The following BMAL1 variants were observed in gnomAD, a reference collection of about 807,000 sequenced individuals.
BMAL1 encodes basic helix-loop-helix ARNT like 1, also known as basic helix-loop-helix ARNT-like protein 1.
the BMAL1 span, among the ~76,000 whole-genome samples, chr11:13,373,805 G>T: frequency 1.3e-5 from 2 of 152,134 alleles, no homozygotes; most frequent in Non-Finnish European, 2.9e-5. Context: ...CACCATGCCC[G>T]ACTGGTTGCA....
the BMAL1 span, among the ~76,000 whole-genome samples, chr11:13,312,790 T>C: frequency 6.6e-6 from 1 of 152,220 alleles, no homozygotes; most frequent in Non-Finnish European, 1.5e-5. Context: ...AATTATTTAT[T>C]GCTTCGAATG....
At chr11:13,372,268 G>A in the BMAL1 span, 2 of 1,614,188 alleles carry the variant, frequency 1.2e-6, no homozygotes, top group South Asian at 1.1e-5. Context: ...AATGAGGGGT[G>A]TAACCTCAGC....
At chr11:13,385,167 G>A in the BMAL1 span, among the ~76,000 whole-genome samples, 1 of 152,184 alleles carries the variant, frequency 6.6e-6, no homozygotes, top group Non-Finnish European at 1.5e-5. Flanking sequence ...CTGAGTAGTA[G>A]TAATAATCCT....
At chr11:13,312,554 A>G in the BMAL1 span, among the ~76,000 whole-genome samples, 1 of 152,240 alleles carries the variant, frequency 6.6e-6, no homozygotes, top group African/African-American at 2.4e-5. Context: ...AGTTGAAGGC[A>G]GCAGCCTTGG....
the BMAL1 span, among the ~76,000 whole-genome samples, chr11:13,299,087 G>A: frequency 6.6e-6 from 1 of 152,184 alleles, no homozygotes; most frequent in African/African-American, 2.4e-5. Context: ...TTACAAGGGG[G>A]ACTGGCTCCA....
the BMAL1 span, among the ~76,000 whole-genome samples, chr11:13,370,204 G>A: frequency 2.0e-5 from 3 of 151,654 alleles, no homozygotes; most frequent in Non-Finnish European, 4.4e-5. Context: ...CCTCCTCCCC[G>A]ACCCCCTGCT....
chr11:13,353,052 T>C, the BMAL1 span, among the ~76,000 whole-genome samples: 2 of 152,244 alleles, frequency 1.3e-5, no homozygotes, highest in Admixed American at 6.5e-5. Context: ...TTTCATCTCA[T>C]GGCTTTCCTT....
chr11:13,323,658 C>G, the BMAL1 span, among the ~76,000 whole-genome samples: 4 of 152,192 alleles, frequency 2.6e-5, no homozygotes, highest in Admixed American at 2.6e-4. Context: ...GCTTTGTCAT[C>G]CAGGCTGGAG....
At chr11:13,328,350 T>A in the BMAL1 span, among the ~76,000 whole-genome samples, 1,964 of 152,322 alleles carry the variant, frequency 0.013, 14 homozygotes, top group African/African-American at 0.027. Flanking sequence ...TGCTTGTTTT[T>A]TTTCCTTCCA....
chr11:13,288,670 G>C, the BMAL1 span, among the ~76,000 whole-genome samples: 3 of 152,174 alleles, frequency 2.0e-5, no homozygotes, highest in South Asian at 6.2e-4. Context: ...TCAGTCCAGT[G>C]TTAGTGTTCC....
At chr11:13,325,542 C>G in the BMAL1 span, among the ~76,000 whole-genome samples, 1 of 151,872 alleles carries the variant, frequency 6.6e-6, no homozygotes, top group Non-Finnish European at 1.5e-5. Flanking sequence ...TCCCTTCTTA[C>G]AAACACGAAC....
the BMAL1 span, among the ~76,000 whole-genome samples, chr11:13,286,174 C>T: frequency 6.6e-6 from 1 of 152,210 alleles, no homozygotes; most frequent in Non-Finnish European, 1.5e-5. Context: ...TATCAGCAGT[C>T]GTCAAGCCTT....
the BMAL1 span, among the ~76,000 whole-genome samples, chr11:13,327,954 G>A: frequency 6.6e-6 from 1 of 152,188 alleles, no homozygotes; most frequent in African/African-American, 2.4e-5. Flanking sequence ...AGCCATGAAG[G>A]GTGTCATGTT....
At chr11:13,358,633 A>C in the BMAL1 span, 216 of 1,491,800 alleles carry the variant, frequency 1.4e-4, 5 homozygotes, top group South Asian at 2.9e-3. Flanking sequence ...CCTTGCCCAC[A>C]AATGTTACCA....
At chr11:13,318,812 T>A in the BMAL1 span, among the ~76,000 whole-genome samples, 8 of 152,268 alleles carry the variant, frequency 5.3e-5, no homozygotes, top group East Asian at 7.7e-4. Flanking sequence ...AAAATTTTTT[T>A]AAATTATTAT....
the BMAL1 span, among the ~76,000 whole-genome samples, chr11:13,365,123 A>T: frequency 6.6e-6 from 1 of 152,182 alleles, no homozygotes; most frequent in South Asian, 2.1e-4. Context: ...CAAATCTCAG[A>T]TTCTCTGACT....
chr11:13,297,066 G>A, the BMAL1 span, among the ~76,000 whole-genome samples: 9 of 152,280 alleles, frequency 5.9e-5, 1 homozygote, highest in South Asian at 1.0e-3. Context: ...TAGCCACAGC[G>A]TGGTAAAGTA....
the BMAL1 span, among the ~76,000 whole-genome samples, chr11:13,365,203 C>A: frequency 6.6e-6 from 1 of 151,872 alleles, no homozygotes. Flanking sequence ...CAAAAGAACA[C>A]GTGCAAGCTG....
the BMAL1 span, among the ~76,000 whole-genome samples, chr11:13,290,557 ATAT>A: frequency 4.6e-5 from 5 of 108,408 alleles, no homozygotes; most frequent in South Asian, 1.7e-3. Flanking sequence ...TTACAAGTGT[ATAT>A]ATTATTATTA....
Sources: allele counts gnomAD v4.1 joint callset (sites outside exome capture counted in the v4.1 genomes callset), GRCh38; gene constraint gnomAD v4.1.1; transcripts MANE v1.5; gene names NCBI Gene and HGNC (gene_info 2026-07-23, HGNC 2026-07-21).